The following CFAP47 variants were observed in gnomAD, a reference collection of about 807,000 sequenced individuals.
CFAP47 encodes cilia and flagella associated protein 47.
Under a neutral mutation model 148.1 loss-of-function variants are expected in CFAP47, and 29 were observed. The ratio of observed to expected loss-of-function variants is 0.20; its 90% CI spans 0.15 to 0.27. The LOEUF (loss-of-function observed/expected upper bound fraction) is 0.27. CFAP47 is among the 10% of genes least tolerant of loss of function. The pLI is 1.00. For synonymous variants in CFAP47, 664 were observed against 577.3 expected (o/e 1.15, Z -2.15); for missense variants, 1,872 against 1,697.5 (o/e 1.10, Z -1.81).
rs535396548 is a variant in CFAP47, at chrX:35,952,380, C to T, written c.1046+417C>T. Among the ~76,000 whole-genome samples the T allele has an allele frequency of 2.9e-4, 33 of 111,998 alleles. No individual in the cohort carries two copies. In the South Asian group the frequency reaches 0.012, roughly 39 times the overall value. ...TTGCTGACTATCCTAAGTATTAAAC[C>T]TATAGCACCTTCCAGGGATCAGTCA... is the stretch of plus-strand genomic sequence containing the variant. On this transcript the variant is annotated intron_variant, in intron 6 of 63. Coordinates refer to ENST00000378653, the MANE Select transcript of CFAP47 (RefSeq NM_001304548.2).
At chrX:36,110,742 A>G (rs191327849) in intron 33 of CFAP47, among the ~76,000 whole-genome samples, 6 of 112,294 alleles carry the variant, frequency 5.3e-5, no homozygotes, top group Middle Eastern at 4.7e-3. Flanking sequence ...ATCCATGAGC[A>G]TGGAATGATT....
At chrX:36,286,282 A>G (rs1679200968) in intron 51 of CFAP47, among the ~76,000 whole-genome samples, 1 of 111,390 alleles carries the variant, frequency 9.0e-6, no homozygotes, top group Admixed American at 9.6e-5. Context: ...ACAATGTTTT[A>G]GTTAAATTTA....
At chrX:36,204,795 G>A (rs781950761) in intron 44 of CFAP47, among the ~76,000 whole-genome samples, 162 bp from the exon 45 acceptor site, 2 of 111,525 alleles carry the variant, frequency 1.8e-5, no homozygotes, top group South Asian at 7.6e-4. Context: ...AAATGTGTTT[G>A]TACTGTTTTC....
chrX:36,060,030 A>G (rs1263059489), intron 26 of CFAP47, among the ~76,000 whole-genome samples: 3 of 110,973 alleles, frequency 2.7e-5, no homozygotes, highest in Non-Finnish European at 5.7e-5. Flanking sequence ...GCCTTTCACC[A>G]TGAATGGAAG....
chrX:36,231,206 A>G (rs1940351839), intron 46 of CFAP47, among the ~76,000 whole-genome samples: 1 of 111,088 alleles, frequency 9.0e-6, no homozygotes, highest in Admixed American at 9.6e-5. Context: ...TTTGGGCAGT[A>G]TGGCCATTTT....
At chrX:36,223,409 A>G (rs1173709642) in intron 45 of CFAP47, among the ~76,000 whole-genome samples, 2 of 110,744 alleles carry the variant, frequency 1.8e-5, no homozygotes, top group East Asian at 2.8e-4. Flanking sequence ...ATGTTTTCTT[A>G]TAATAAATAT....
chrX:36,344,234 A>AAC, intron 57 of CFAP47, among the ~76,000 whole-genome samples: 1 of 101,495 alleles, frequency 9.9e-6, no homozygotes, highest in African/African-American at 4.4e-5. Flanking sequence ...GTATAATAAA[A>AAC]AAAAGAAAAA....
intron 62 of CFAP47, chrX:36,375,306 G>T: frequency 6.7e-6 from 1 of 148,855 alleles, no homozygotes; most frequent in South Asian, 1.6e-4. Flanking sequence ...GTTCAGGTGC[G>T]TGTTAATTTC....
chrX:35,923,069 T>G (rs191695668), intron 1 of CFAP47, among the ~76,000 whole-genome samples: 1 of 111,575 alleles, frequency 9.0e-6, no homozygotes, highest in African/African-American at 3.2e-5. Context: ...ATATGGTGCT[T>G]AACTAGTCCC....
At chrX:36,267,564 C>T (rs1385293019) in intron 49 of CFAP47, among the ~76,000 whole-genome samples, 2 of 107,134 alleles carry the variant, frequency 1.9e-5, no homozygotes. Context: ...CTGCAAGCTC[C>T]GCCTCCTGGG....
intron 1 of CFAP47, among the ~76,000 whole-genome samples, chrX:35,924,393 A>ATATATGCACACACATATGTG (rs1413664423): frequency 9.5e-6 from 1 of 105,179 alleles, no homozygotes; most frequent in East Asian, 3.0e-4. Flanking sequence ...ACATATGTGT[A>ATATATGCACACACATATGTG]TATATGCACA....
At chrX:35,921,856 T>G (rs1287478120) in intron 1 of CFAP47, among the ~76,000 whole-genome samples, 1 of 111,273 alleles carries the variant, frequency 9.0e-6, no homozygotes, top group Non-Finnish European at 1.9e-5. Flanking sequence ...TTATAATCAC[T>G]CAGAAAATGA....
intron 40 of CFAP47, among the ~76,000 whole-genome samples, chrX:36,186,908 G>T (rs1405678269): frequency 3.7e-5 from 4 of 109,446 alleles, no homozygotes; most frequent in Non-Finnish European, 5.7e-5. Flanking sequence ...TTTTCCCTAA[G>T]GTTAAAGACT....
intron 29 of CFAP47, 38 bp from the exon 30 acceptor site, chrX:36,085,276 T>A (rs199940578): frequency 1.1e-6 from 1 of 899,641 alleles, no homozygotes; most frequent in Non-Finnish European, 1.6e-6. Context: ...ACTATAACAT[T>A]TTGAGACTGT....
intron 26 of CFAP47, among the ~76,000 whole-genome samples, chrX:36,060,278 C>T (rs1204734456): frequency 1.8e-5 from 2 of 111,153 alleles, no homozygotes; most frequent in African/African-American, 6.5e-5. Flanking sequence ...ATAAATTTTA[C>T]TTTTTGCCCC....
intron 48 of CFAP47, among the ~76,000 whole-genome samples, chrX:36,238,619 C>T (rs1940502904): frequency 9.0e-6 from 1 of 111,467 alleles, no homozygotes; most frequent in South Asian, 3.8e-4. Flanking sequence ...GTTATTCACC[C>T]TTTATTTTAT....
chrX:36,295,842 T>A (rs1175534898), intron 51 of CFAP47, among the ~76,000 whole-genome samples: 1 of 112,087 alleles, frequency 8.9e-6, no homozygotes, highest in Admixed American at 9.5e-5. Flanking sequence ...AATTTAGAAA[T>A]CATTTTTGTA....
intron 26 of CFAP47, among the ~76,000 whole-genome samples, chrX:36,060,021 C>A (rs1173482125): frequency 9.0e-6 from 1 of 111,166 alleles, no homozygotes; most frequent in Non-Finnish European, 1.9e-5. Flanking sequence ...CTCTTCTTTG[C>A]CTTTCACCAT....
At chrX:36,008,898 AT>A (rs1431417847) in intron 21 of CFAP47, among the ~76,000 whole-genome samples, 2 of 111,688 alleles carry the variant, frequency 1.8e-5, no homozygotes, top group African/African-American at 6.5e-5. Context: ...GTGAATAGTC[AT>A]CTCCAGACAT....
Sources: gnomAD v4.1 joint callset for allele counts (sites outside exome capture counted in the v4.1 genomes callset) on GRCh38, gnomAD v4.1.1 for gene constraint, MANE v1.5 for transcripts, NCBI Gene and HGNC (gene_info 2026-07-23, HGNC 2026-07-21) for gene names.